LAMC3: variants seen among roughly 807,000 people sequenced by gnomAD.
LAMC3 encodes the protein laminin subunit gamma-3.
Under a neutral mutation model 173.8 loss-of-function variants are expected in LAMC3, and 128 were observed. The ratio of observed to expected loss-of-function variants is 0.74; its 90% CI spans 0.64 to 0.85. The LOEUF is 0.85. Among genes scored for constraint, LAMC3 ranks in the 40% least tolerant of loss-of-function variants. LAMC3 has a pLI of 0.00. For missense variants in LAMC3, 2,022 were observed against 2,156.0 expected (o/e 0.94, Z 1.23); for synonymous variants, 897 against 909.1 (o/e 0.99, Z 0.24).
At chr9:131,040,941 T>C (rs1834040873) in intron 6 of LAMC3, among the ~76,000 whole-genome samples, 1 of 152,024 alleles carries the variant, frequency 6.6e-6, no homozygotes, top group East Asian at 1.9e-4. Context: ...CCATGTCTTA[T>C]TAGATGAGTG....
At chr9:131,032,919 T>C (rs942723231) in intron 3 of LAMC3, among the ~76,000 whole-genome samples, 1 of 152,184 alleles carries the variant, frequency 6.6e-6, no homozygotes, top group Non-Finnish European at 1.5e-5. Context: ...CTGCCCGCCT[T>C]GGCCTCCCAA....
intron 11 of LAMC3, 80 bp downstream of exon 11, chr9:131,053,045 C>G: frequency 9.5e-7 from 1 of 1,049,794 alleles, no homozygotes; most frequent in Non-Finnish European, 1.4e-6. Flanking sequence ...CGGTCACAGT[C>G]TTGTCAGGGC....
intron 1 of LAMC3, among the ~76,000 whole-genome samples, chr9:131,024,788 G>A (rs989426469): frequency 2.0e-5 from 3 of 152,196 alleles, no homozygotes; most frequent in African/African-American, 7.2e-5. Context: ...TTACCAAAGA[G>A]ACGCCCGGTG....
chr9:131,018,427 G>T (rs924161754), intron 1 of LAMC3, among the ~76,000 whole-genome samples: 1 of 151,914 alleles, frequency 6.6e-6, no homozygotes, highest in Non-Finnish European at 1.5e-5. Flanking sequence ...GAGCCACTGC[G>T]CCCGGCCCCC....
intron 13 of LAMC3, among the ~76,000 whole-genome samples, chr9:131,066,093 G>C (rs921439332): frequency 6.6e-6 from 1 of 152,176 alleles, no homozygotes; most frequent in East Asian, 1.9e-4. Flanking sequence ...TACTTGGGAG[G>C]CTGAGGCAGG....
chr9:131,010,197 C>T (rs377764133), intron 1 of LAMC3, among the ~76,000 whole-genome samples: 1 of 147,368 alleles, frequency 6.8e-6, no homozygotes, highest in South Asian at 2.2e-4. Flanking sequence ...TGGTGGTGCA[C>T]ACCTATGGTC....
intron 6 of LAMC3, among the ~76,000 whole-genome samples, chr9:131,040,353 T>C (rs532104832): frequency 6.6e-6 from 1 of 152,166 alleles, no homozygotes; most frequent in East Asian, 1.9e-4. Context: ...AATTTTTGTA[T>C]TTTTTGGTAG....
rs556086381 is a variant in LAMC3 at position 131,037,559 on chromosome 9, A to G, written c.976+1227A>G. Reference sequence around the variant, plus strand: ...CACTCTGTCACCCAGGCTGGAGTGCAGTGGCCCAATCATAGCTCACTGCAG... The same window carrying G: ...CACTCTGTCACCCAGGCTGGAGTGCGGTGGCCCAATCATAGCTCACTGCAG... On this transcript the variant is annotated intron_variant, in intron 4 of 27. Transcript: ENST00000361069. 1.3e-3 allele frequency among the ~76,000 whole-genome samples: 199 copies of G among 152,276 alleles called. 7 individuals are homozygous for G. In the South Asian group the frequency reaches 0.039, roughly 30 times the overall value.
Position 131,039,225 on chromosome 9 carries a change from C to G in LAMC3, c.1260C>G (p.His420Gln), listed in dbSNP as rs1162331491. 1.2e-5 allele frequency: 20 copies of G among 1,606,298 alleles called. No homozygotes were observed. The highest frequency in any genetic ancestry group is 1.7e-5 in the Non-Finnish European group (20 of 1,179,972). The change falls in exon 6 of 28, where the codon CAC becomes CAG. Residue 420 changes from histidine (H) to glutamine (Q), a missense_variant. By Grantham distance (24) the His-to-Gln change is conservative. Transcript: ENST00000361069. ...GTGACCGCTGTCTGCCCGGGTTCCA[C>G]TCGCTCAGTGAGGGAGGCTGCAGGT... Reference protein sequence around the residue: ...WKCDRCLPGFHSLSEGGCRPC... With the variant: ...WKCDRCLPGFQSLSEGGCRPC...
At chr9:131,042,564 C>T (rs1834075373) in intron 7 of LAMC3, among the ~76,000 whole-genome samples, 1 of 151,854 alleles carries the variant, frequency 6.6e-6, no homozygotes, top group Admixed American at 6.6e-5. Context: ...ATGGTATAAC[C>T]ATGGCAAACA....
chr9:131,076,206 G>C (rs1359285058), intron 21 of LAMC3, among the ~76,000 whole-genome samples: 6 of 152,156 alleles, frequency 3.9e-5, no homozygotes, highest in Non-Finnish European at 8.8e-5. Context: ...CAAGAGAAGA[G>C]ACAAGAACTG....
At chr9:131,062,015 C>T (rs1042910958) in intron 13 of LAMC3, among the ~76,000 whole-genome samples, 1 of 152,066 alleles carries the variant, frequency 6.6e-6, no homozygotes, top group African/African-American at 2.4e-5. Flanking sequence ...TTCACCACTG[C>T]ACTCCAGCCT....
chr9:131,087,877 T>C, intron 27 of LAMC3, 60 bp downstream of exon 27: 1 of 1,326,962 alleles, frequency 7.5e-7, no homozygotes, highest in Non-Finnish European at 1.1e-6. Flanking sequence ...CTCTAGGATC[T>C]TCCTGTGAGC....
At chr9:131,085,956 G>T in intron 25 of LAMC3, 1 of 601,382 alleles carries the variant, frequency 1.7e-6, no homozygotes, top group Non-Finnish European at 3.0e-6. Context: ...CCAGCTTCAT[G>T]AACTTAACCA....
Position 131,082,097 on chromosome 9 carries a change from C to T in LAMC3, c.3966C>T (p.Ser1322=), listed in dbSNP as rs994349197. ...QEARAALTQA[S]SSVQAATVTV... ...CCAGAGCCGCCCTGACCCAGGCTTC[C>T]TCATCTGTCCAGGCTGCGACAGTGA... is the stretch of plus-strand genomic sequence containing the variant. The change falls in exon 24 of 28, where the codon TCC becomes TCT. Residue 1322 remains serine (S), a synonymous_variant. Coordinates refer to ENST00000361069, the MANE Select transcript of LAMC3 (RefSeq NM_006059.4). 3.1e-6 allele frequency: 5 copies of T among 1,613,882 alleles called. No homozygotes were observed. Among genetic ancestry groups the T allele is most frequent in the Middle Eastern group, 1.6e-4 (1 of 6,082 alleles).
intron 13 of LAMC3, among the ~76,000 whole-genome samples, chr9:131,066,448 A>G (rs1176952036): frequency 1.3e-5 from 2 of 151,794 alleles, no homozygotes; most frequent in East Asian, 3.9e-4. Context: ...CCGAGATCGT[A>G]CCACACTACA....
chr9:131,056,966 C>T lies in LAMC3; in HGVS notation c.1977C>T (p.Ala659=), dbSNP rs1191824768. ...TGACTGAGGTCCGGCTCACATCCGC[C>T]CGGCCAGGGCTTTCCCCGCCAGCCT... is the stretch of plus-strand genomic sequence containing the variant. ...VFLTEVRLTS[A]RPGLSPPASW... Residue 659 remains alanine (A), a synonymous_variant, in exon 12 of 28, where the codon GCC becomes GCT. Coordinates refer to ENST00000361069, the MANE Select transcript of LAMC3 (RefSeq NM_006059.4). The T allele has an allele frequency of 6.2e-7, 1 of 1,613,774 alleles. No homozygotes were observed. Among genetic ancestry groups the T allele is most frequent in the African/African-American group, 1.3e-5 (1 of 75,052 alleles).
chr9:131,085,811 C>G, intron 25 of LAMC3, 88 bp downstream of exon 25: 2 of 1,210,526 alleles, frequency 1.7e-6, no homozygotes, highest in Non-Finnish European at 2.4e-6. Context: ...TCCGTGCTGA[C>G]TACTCCGCAC....
intron 13 of LAMC3, among the ~76,000 whole-genome samples, 177 bp from the exon 14 acceptor site, chr9:131,066,783 G>A (rs1829941773): frequency 6.6e-6 from 1 of 152,160 alleles, no homozygotes; most frequent in African/African-American, 2.4e-5. Context: ...GAGGCGCAGT[G>A]GCTTGCTCAG....
Sources: allele counts gnomAD v4.1 joint callset (sites outside exome capture counted in the v4.1 genomes callset), GRCh38; gene constraint gnomAD v4.1.1; transcripts MANE v1.5; gene names NCBI Gene and HGNC (gene_info 2026-07-23, HGNC 2026-07-21).